The following CAPN9 variants were observed in gnomAD, a reference collection of about 807,000 sequenced individuals.
The protein encoded by CAPN9 is calpain-9.
A neutral mutation model predicts 92.8 loss-of-function variants in CAPN9; 81 were observed. The observed-to-expected ratio is 0.87, with a 90% CI of 0.73 to 1.05. The LOEUF (loss-of-function observed/expected upper bound fraction) is 1.05. Among genes scored for constraint, CAPN9 ranks in the 50% least tolerant of loss-of-function variants. The pLI is 0.00. For synonymous variants in CAPN9, 304 were observed against 328.0 expected, an observed-to-expected ratio of 0.93 and a Z score of 0.79; for missense variants, 848 against 866.2, an observed-to-expected ratio of 0.98 and a Z score of 0.26.
intron 11 of CAPN9, among the ~76,000 whole-genome samples, chr1:230,784,046 G>A (rs866081999): frequency 7.2e-5 from 11 of 152,208 alleles, no homozygotes; most frequent in East Asian, 1.9e-4. Flanking sequence ...AAGTTTGAAC[G>A]TCATAGTGAT....
intron 18 of CAPN9, among the ~76,000 whole-genome samples, chr1:230,796,267 G>A (rs1410920307): frequency 6.6e-6 from 1 of 151,626 alleles, no homozygotes; most frequent in Non-Finnish European, 1.5e-5. Flanking sequence ...GGAGGTTGCA[G>A]TGAGCTGAGG....
intron 14 of CAPN9, among the ~76,000 whole-genome samples, chr1:230,791,150 C>T (rs1047042022): frequency 2.0e-5 from 3 of 151,972 alleles, no homozygotes; most frequent in East Asian, 1.9e-4. Context: ...GGGTTGTTAC[C>T]GGTTTTTGGT....
intron 7 of CAPN9, among the ~76,000 whole-genome samples, chr1:230,773,134 C>T (rs370665185): frequency 6.6e-5 from 10 of 152,116 alleles, no homozygotes; most frequent in African/African-American, 2.4e-4. Context: ...ATGGTGCAGC[C>T]GCTGCTGTAT....
chr1:230,771,754 T>C (rs1373624632), intron 6 of CAPN9, among the ~76,000 whole-genome samples: 1 of 152,240 alleles, frequency 6.6e-6, no homozygotes, highest in African/African-American at 2.4e-5. Context: ...CTACTTTACT[T>C]CCCAGATGTG....
intron 6 of CAPN9, among the ~76,000 whole-genome samples, 182 bp from the exon 7 acceptor site, chr1:230,771,832 A>G (rs1054834084): frequency 6.6e-6 from 1 of 152,272 alleles, no homozygotes; most frequent in African/African-American, 2.4e-5. Flanking sequence ...AGGAATTAGA[A>G]GGTTCCAAGG....
At chr1:230,794,045 C>T (rs888859563) in intron 17 of CAPN9, among the ~76,000 whole-genome samples, 1 of 152,176 alleles carries the variant, frequency 6.6e-6, no homozygotes, top group Non-Finnish European at 1.5e-5. Context: ...CTGTGTCTGA[C>T]CTGCCTGCTC....
At chr1:230,778,570 G>C (rs1386006883) in intron 8 of CAPN9, among the ~76,000 whole-genome samples, 1 of 152,062 alleles carries the variant, frequency 6.6e-6, no homozygotes, top group African/African-American at 2.4e-5. Flanking sequence ...CTCTGCCTCG[G>C]GGCCTTGCTG....
chr1:230,788,013 G>A (rs2102918501), intron 13 of CAPN9, among the ~76,000 whole-genome samples: 1 of 152,192 alleles, frequency 6.6e-6, no homozygotes, highest in Admixed American at 6.5e-5. Context: ...ATGCCATCAT[G>A]CTTAGCTAAT....
At chr1:230,752,371 C>A (rs1218778375) in intron 1 of CAPN9, among the ~76,000 whole-genome samples, 1 of 152,244 alleles carries the variant, frequency 6.6e-6, no homozygotes, top group Non-Finnish European at 1.5e-5. Flanking sequence ...ATCCAGACAC[C>A]TCCCCAATTT....
At chr1:230,762,864 GCT>G (rs2102854725) in intron 4 of CAPN9, 78 bp downstream of exon 4, 1 of 1,441,930 alleles carries the variant, frequency 6.9e-7, no homozygotes, top group East Asian at 2.5e-5. Context: ...GCATCTAAGG[GCT>G]GGGAAAAAAT....
intron 7 of CAPN9, 105 bp downstream of exon 7, chr1:230,772,204 G>A (rs1392171268): frequency 4.2e-6 from 4 of 944,396 alleles, no homozygotes; most frequent in African/African-American, 1.6e-5. Context: ...ATCCTCCCGG[G>A]CTCTGACTCA....
chr1:230,765,140 A>G (rs553021963), intron 4 of CAPN9, among the ~76,000 whole-genome samples: 38 of 152,064 alleles, frequency 2.5e-4, no homozygotes, highest in African/African-American at 3.4e-4. Context: ...ATATATACAC[A>G]TACATATATA....
At chr1:230,775,312 C>T (rs887272978) in intron 8 of CAPN9, among the ~76,000 whole-genome samples, 3 of 152,258 alleles carry the variant, frequency 2.0e-5, no homozygotes, top group Non-Finnish European at 2.9e-5. Flanking sequence ...CCATTCCCTC[C>T]ACACCCATCT....
chr1:230,766,820 C>T (rs1391500581), intron 4 of CAPN9, among the ~76,000 whole-genome samples: 1 of 152,108 alleles, frequency 6.6e-6, no homozygotes, highest in African/African-American at 2.4e-5. Context: ...CAAGTCACAT[C>T]TTACATGGAT....
chr1:230,757,045 G>T (rs1030327625), intron 2 of CAPN9, among the ~76,000 whole-genome samples: 2 of 130,886 alleles, frequency 1.5e-5, no homozygotes, highest in South Asian at 2.4e-4. Flanking sequence ...AGGAAGGAAG[G>T]AAGGAAGGAA....
intron 17 of CAPN9, 98 bp downstream of exon 17, chr1:230,793,026 G>C (rs1668115905): frequency 4.4e-6 from 4 of 916,004 alleles, no homozygotes; most frequent in Non-Finnish European, 7.0e-6. Flanking sequence ...CTGCCCAGGA[G>C]GTGGGCCTCT....
Position 230,759,779 on chromosome 1 carries a change from T to A in CAPN9, c.402+149T>A, listed in dbSNP as rs926933334. 8.4e-5 allele frequency: 37 copies of A among 441,102 alleles called. 1 individual carries two copies. Among genetic ancestry groups the A allele is most frequent in the Admixed American group, 1.6e-4 (3 of 19,336 alleles). 27.3% of individuals were successfully genotyped at this position (441,102 alleles called of 1,614,324 possible). ...TAAACCATGCTAAAGCCACATTTTATCATGGAATAACAGCTAAATGCCTCA... is the reference window on the plus strand; with the variant it reads ...TAAACCATGCTAAAGCCACATTTTAACATGGAATAACAGCTAAATGCCTCA... On this transcript the variant is annotated intron_variant, in intron 3 of 19. Transcript: ENST00000271971.
chr1:230,788,816 A>T (rs1216104867), intron 13 of CAPN9, among the ~76,000 whole-genome samples: 4 of 152,158 alleles, frequency 2.6e-5, no homozygotes, highest in Non-Finnish European at 5.9e-5. Context: ...CCAGCAAGAC[A>T]GGCTCAGAGG....
At chr1:230,782,009 C>G (rs916943563) in intron 11 of CAPN9, among the ~76,000 whole-genome samples, 2 of 152,204 alleles carry the variant, frequency 1.3e-5, no homozygotes, top group African/African-American at 4.8e-5. Context: ...ATCCTAGTAT[C>G]TGTTCACACA....
Sources: gnomAD v4.1 joint callset for allele counts (sites outside exome capture counted in the v4.1 genomes callset) on GRCh38, gnomAD v4.1.1 for gene constraint, MANE v1.5 for transcripts, NCBI Gene and HGNC (gene_info 2026-07-23, HGNC 2026-07-21) for gene names.